The following MAN1A1 variants were observed in gnomAD, a reference collection of about 807,000 sequenced individuals.
MAN1A1 encodes mannosyl-oligosaccharide 1,2-alpha-mannosidase IA.
A neutral mutation model predicts 70.8 loss-of-function variants in MAN1A1; 29 were observed. The ratio of observed to expected loss-of-function variants is 0.41; its 90% CI spans 0.31 to 0.56. MAN1A1 has a LOEUF of 0.56. MAN1A1 is among the 20% of genes least tolerant of loss of function. The probability of loss-of-function intolerance (pLI) is 0.29; values close to 1 mark genes in which losing one functional copy is unlikely to be tolerated. For synonymous variants in MAN1A1, 349 were observed against 330.1 expected (o/e 1.06, Z -0.62); for missense variants, 747 against 841.3 (o/e 0.89, Z 1.39).
chr6:119,311,549 A>G (rs1303117039), intron 2 of MAN1A1, among the ~76,000 whole-genome samples: 5 of 152,074 alleles, frequency 3.3e-5, no homozygotes, highest in Admixed American at 1.3e-4. Context: ...GAGGGATTTG[A>G]GGTTGATCTG....
intron 4 of MAN1A1, among the ~76,000 whole-genome samples, chr6:119,291,233 CTCTT>C (rs1003790130): frequency 6.6e-6 from 1 of 152,004 alleles, no homozygotes; most frequent in African/African-American, 2.4e-5. Context: ...AGCTCTTTCT[CTCTT>C]TGCCTGTTGC....
At chr6:119,234,489 C>T (rs1471056476) in intron 6 of MAN1A1, among the ~76,000 whole-genome samples, 1 of 152,066 alleles carries the variant, frequency 6.6e-6, no homozygotes, top group Non-Finnish European at 1.5e-5. Flanking sequence ...TCATGGCTCA[C>T]TGCAGCCTTG....
At chr6:119,327,139 T>G (rs1773167578) in intron 2 of MAN1A1, 1 of 152,164 alleles carries the variant, frequency 6.6e-6, no homozygotes, top group African/African-American at 2.4e-5. Flanking sequence ...ATTATCCAGG[T>G]GGGCCCAATC....
At chr6:119,332,573 T>C (rs1773347839) in intron 2 of MAN1A1, among the ~76,000 whole-genome samples, 1 of 152,118 alleles carries the variant, frequency 6.6e-6, no homozygotes, top group Non-Finnish European at 1.5e-5. Flanking sequence ...TCCCAGCGCT[T>C]TGGGAGGCCA....
At chr6:119,299,434 T>C (rs1772321757) in intron 4 of MAN1A1, among the ~76,000 whole-genome samples, 1 of 152,052 alleles carries the variant, frequency 6.6e-6, no homozygotes, top group South Asian at 2.1e-4. Flanking sequence ...TGGCTGTAAT[T>C]TTTTGAAATA....
At chr6:119,285,140 T>TTTTTTCTTTTC (rs1200414269) in intron 5 of MAN1A1, among the ~76,000 whole-genome samples, 106 of 62,294 alleles carry the variant, frequency 1.7e-3, no homozygotes, top group Non-Finnish European at 2.4e-3. Flanking sequence ...TAGCAGACTT[T>TTTTTTCTTTTC]TTTTTTTTTT....
intron 5 of MAN1A1, among the ~76,000 whole-genome samples, chr6:119,267,554 C>T (rs1415774758): frequency 6.6e-6 from 1 of 152,108 alleles, no homozygotes; most frequent in Admixed American, 6.6e-5. Context: ...TATGAACTCT[C>T]CAACACAAAC....
At chr6:119,264,086 T>C (rs1474095821) in intron 5 of MAN1A1, among the ~76,000 whole-genome samples, 3 of 152,226 alleles carry the variant, frequency 2.0e-5, no homozygotes, top group African/African-American at 7.2e-5. Context: ...GTAGAGAGAA[T>C]GGTTTCATGG....
At chr6:119,188,070 GA>G (rs1366658439) in intron 11 of MAN1A1, among the ~76,000 whole-genome samples, 1 of 152,194 alleles carries the variant, frequency 6.6e-6, no homozygotes, top group African/African-American at 2.4e-5. Flanking sequence ...TATTGAAATA[GA>G]GGTGAATACC....
chr6:119,285,417 T>A (rs750549264), intron 5 of MAN1A1, among the ~76,000 whole-genome samples: 2 of 152,122 alleles, frequency 1.3e-5, no homozygotes, highest in Admixed American at 1.3e-4. Context: ...ATCTTTAACA[T>A]TGGGGATCAC....
chr6:119,209,113 A>T (rs1773973835), intron 6 of MAN1A1, among the ~76,000 whole-genome samples: 1 of 142,274 alleles, frequency 7.0e-6, no homozygotes, highest in East Asian at 2.2e-4. Context: ...AAAAAAAGGT[A>T]TAGGTTACAG....
chr6:119,301,715 T>G (rs991700676), intron 4 of MAN1A1, among the ~76,000 whole-genome samples: 1 of 152,130 alleles, frequency 6.6e-6, no homozygotes, highest in African/African-American at 2.4e-5. Context: ...TCTCATAGAG[T>G]TGCAGTGGGA....
At chr6:119,278,504 G>C (rs1171173940) in intron 5 of MAN1A1, among the ~76,000 whole-genome samples, 1 of 151,948 alleles carries the variant, frequency 6.6e-6, no homozygotes, top group Non-Finnish European at 1.5e-5. Flanking sequence ...TTTATAGAAA[G>C]TGTTTATATT....
intron 6 of MAN1A1, among the ~76,000 whole-genome samples, chr6:119,234,477 AATCATGGCTC>A (rs991253968): frequency 1.3e-5 from 2 of 152,070 alleles, no homozygotes; most frequent in African/African-American, 4.8e-5. Flanking sequence ...GCAGTCTTAC[AATCATGGCTC>A]ACTGCAGCCT....
intron 5 of MAN1A1, among the ~76,000 whole-genome samples, chr6:119,252,604 C>T (rs1775350579): frequency 6.6e-6 from 1 of 152,052 alleles, no homozygotes; most frequent in African/African-American, 2.4e-5. Flanking sequence ...TTATCCTGGC[C>T]AACATGGTGA....
intron 2 of MAN1A1, among the ~76,000 whole-genome samples, chr6:119,332,359 T>C (rs1260977077): frequency 6.6e-6 from 1 of 152,200 alleles, no homozygotes; most frequent in African/African-American, 2.4e-5. Context: ...AAAAAGGGAA[T>C]ACATGATGGA....
At chr6:119,184,937 G>A (rs1327814217) in intron 11 of MAN1A1, among the ~76,000 whole-genome samples, 1 of 151,930 alleles carries the variant, frequency 6.6e-6, no homozygotes, top group Non-Finnish European at 1.5e-5. Context: ...TGCTCAGGCT[G>A]GCGTGCAGCG....
intron 2 of MAN1A1, among the ~76,000 whole-genome samples, chr6:119,313,251 G>C (rs1772760263): frequency 6.6e-6 from 1 of 152,214 alleles, no homozygotes; most frequent in African/African-American, 2.4e-5. Context: ...AAAGTATTTA[G>C]CACCCTCTCA....
intron 4 of MAN1A1, among the ~76,000 whole-genome samples, chr6:119,293,149 C>A: frequency 6.6e-6 from 1 of 151,930 alleles, no homozygotes; most frequent in African/African-American, 2.4e-5. Flanking sequence ...CTCTTCCTGC[C>A]GTGAAAATTT....
Sources: gnomAD v4.1 joint callset for allele counts (sites outside exome capture counted in the v4.1 genomes callset) on GRCh38, gnomAD v4.1.1 for gene constraint, MANE v1.5 for transcripts, NCBI Gene and HGNC (gene_info 2026-07-23, HGNC 2026-07-21) for gene names.